Variants in ABCA13 observed in about 807,000 individuals in gnomAD.
ABCA13 encodes the protein ATP-binding cassette sub-family A member 13.
A neutral mutation model predicts 478.7 loss-of-function variants in ABCA13; 476 were observed. The observed-to-expected ratio is 0.99, with a 90% CI of 0.92 to 1.07. ABCA13 has a LOEUF of 1.07. Among genes scored for constraint, ABCA13 ranks in the 50% least tolerant of loss-of-function variants. The pLI is 0.00. For missense variants in ABCA13, 6,060 were observed against 5,910.6 expected (o/e 1.03, Z -0.83); for synonymous variants, 2,252 against 2,158.9 (o/e 1.04, Z -1.20).
chr7:48,489,480 C>A, intron 48 of ABCA13, 136 bp downstream of exon 48: 1 of 679,262 alleles, frequency 1.5e-6, no homozygotes, highest in South Asian at 2.2e-5. Context: ...CAATCCGTGT[C>A]TAAACACAAT....
In ABCA13 at chr7:48,276,413, T is replaced by A; in HGVS notation, c.6747T>A (p.Thr2249=). The change falls in exon 17 of 62, where the codon ACT becomes ACA. Residue 2249 remains threonine (T), a synonymous_variant. Coordinates refer to ENST00000435803, the MANE Select transcript of ABCA13 (RefSeq NM_152701.5). ...TCTTGAACCATATGCAGTCAGAAACTAGTAGGAAAACAGTTCTCTCTCTGA... is the reference window on the plus strand; with the variant it reads ...TCTTGAACCATATGCAGTCAGAAACAAGTAGGAAAACAGTTCTCTCTCTGA... ...NLILNHMQSE[T]SRKTVLSLRS... is the part of the protein sequence containing the mutation. 6.4e-7 allele frequency: 1 copy of A among 1,562,402 alleles called. No homozygotes were observed. The highest frequency in any genetic ancestry group is 8.7e-7 in the Non-Finnish European group (1 of 1,155,932).
chr7:48,320,523 G>A (rs1803290306), intron 27 of ABCA13, among the ~76,000 whole-genome samples: 1 of 152,182 alleles, frequency 6.6e-6, no homozygotes, highest in Non-Finnish European at 1.5e-5. Context: ...CATTAGTCAA[G>A]AGATTCCAAT....
intron 29 of ABCA13, among the ~76,000 whole-genome samples, chr7:48,342,256 C>T (rs2128960704): frequency 6.6e-6 from 1 of 152,236 alleles, no homozygotes; most frequent in East Asian, 1.9e-4. Context: ...CACACAGGGT[C>T]AGTTTTGGTT....
chr7:48,291,012 T>C (rs2128811708), intron 20 of ABCA13, among the ~76,000 whole-genome samples: 1 of 150,820 alleles, frequency 6.6e-6, no homozygotes, highest in East Asian at 2.0e-4. Flanking sequence ...CAAGGGCTTC[T>C]GTGCATGTTA....
intron 42 of ABCA13, among the ~76,000 whole-genome samples, chr7:48,439,760 T>C (rs1288351453): frequency 6.6e-6 from 1 of 152,144 alleles, no homozygotes; most frequent in East Asian, 1.9e-4. Flanking sequence ...TTCTTCAAAG[T>C]GAGCAGGATA....
At chr7:48,435,683 G>C (rs887031377) in intron 42 of ABCA13, among the ~76,000 whole-genome samples, 1 of 151,646 alleles carries the variant, frequency 6.6e-6, no homozygotes, top group Non-Finnish European at 1.5e-5. Context: ...TGTTTAGGTA[G>C]TTTCCTTTTA....
At chr7:48,508,123 G>A (rs1323227167) in intron 50 of ABCA13, 74 bp downstream of exon 50, 143 of 1,586,976 alleles carry the variant, frequency 9.0e-5, no homozygotes, top group Non-Finnish European at 1.2e-4. Flanking sequence ...AGGGATGGAG[G>A]GGGGCATTGG....
intron 20 of ABCA13, among the ~76,000 whole-genome samples, chr7:48,288,440 A>G (rs1422567599): frequency 2.0e-5 from 3 of 152,170 alleles, no homozygotes; most frequent in Admixed American, 6.5e-5. Flanking sequence ...TCACTTCCTA[A>G]TTATTTTAGT....
intron 29 of ABCA13, among the ~76,000 whole-genome samples, chr7:48,345,685 A>G (rs926558296): frequency 6.6e-6 from 1 of 152,344 alleles, no homozygotes. Flanking sequence ...TTTATAAAGT[A>G]TAAAGTTATA....
rs199647759 is a variant in ABCA13, at chr7:48,516,717, C to T, written c.13641-8C>T. The T allele has an allele frequency of 1.4e-4, 225 of 1,612,758 alleles. 2 individuals are homozygous for T. The highest frequency in any genetic ancestry group is 5.0e-4 in the Middle Eastern group (3 of 6,052). ...AAAACAAACATTACTTTTCACTTTA[C>T]TTTTCAGATATGCAACTCTTCCATG... On this transcript the variant is annotated splice_region_variant and splice_polypyrimidine_tract_variant and intron_variant, in intron 51 of 61. Transcript: ENST00000435803.
intron 23 of ABCA13, among the ~76,000 whole-genome samples, chr7:48,304,039 CTG>C (rs892249799): frequency 2.7e-4 from 41 of 152,250 alleles, no homozygotes; most frequent in Middle Eastern, 3.4e-3. Context: ...TTGATCATGA[CTG>C]TATCGACATG....
At chr7:48,270,591 G>T (rs1795466053) in intron 16 of ABCA13, among the ~76,000 whole-genome samples, 1 of 152,102 alleles carries the variant, frequency 6.6e-6, no homozygotes. Flanking sequence ...TCCCTTTTCT[G>T]ATGGGATTTT....
At chr7:48,624,524 T>TTTGTTGTTG (rs1260736155) in intron 59 of ABCA13, among the ~76,000 whole-genome samples, 3 of 66,426 alleles carry the variant, frequency 4.5e-5, no homozygotes, top group African/African-American at 1.2e-4. Context: ...GGCTGTGTAT[T>TTTGTTGTTG]TTGTTGTCGT....
chr7:48,643,786 A>G (rs1318718111), intron 60 of ABCA13, among the ~76,000 whole-genome samples: 1 of 152,220 alleles, frequency 6.6e-6, no homozygotes. Flanking sequence ...AAATAGCCCT[A>G]TGCTTGAGAT....
chr7:48,639,296 C>T (rs1794927468), intron 59 of ABCA13, among the ~76,000 whole-genome samples: 1 of 152,200 alleles, frequency 6.6e-6, no homozygotes, highest in African/African-American at 2.4e-5. Context: ...TCCTCTCCTC[C>T]TCTTCATGCA....
At chr7:48,418,278 C>T (rs949760014) in intron 41 of ABCA13, among the ~76,000 whole-genome samples, 2 of 152,178 alleles carry the variant, frequency 1.3e-5, no homozygotes, top group Admixed American at 6.5e-5. Context: ...ATCCAAAGTA[C>T]CTGCACCATT....
intron 27 of ABCA13, among the ~76,000 whole-genome samples, chr7:48,326,276 A>C (rs1367964668): frequency 6.6e-6 from 1 of 152,212 alleles, no homozygotes; most frequent in Non-Finnish European, 1.5e-5. Context: ...CAGTGTATCA[A>C]CTGGCAAGGG....
intron 55 of ABCA13, among the ~76,000 whole-genome samples, chr7:48,570,887 A>G (rs1787580452): frequency 1.3e-5 from 2 of 151,938 alleles, no homozygotes; most frequent in Admixed American, 6.6e-5. Flanking sequence ...CTGTTCTTCT[A>G]TTACTGCCAT....
intron 43 of ABCA13, among the ~76,000 whole-genome samples, chr7:48,460,767 T>C (rs975700586): frequency 7.2e-5 from 11 of 152,366 alleles, no homozygotes; most frequent in African/African-American, 2.6e-4. Flanking sequence ...CAAGCTTTTC[T>C]GCTATATGCA....
Sources: allele counts gnomAD v4.1 joint callset (sites outside exome capture counted in the v4.1 genomes callset), GRCh38; gene constraint gnomAD v4.1.1; transcripts MANE v1.5; gene names NCBI Gene and HGNC (gene_info 2026-07-23, HGNC 2026-07-21).